TNNI3K: variants seen among roughly 807,000 people sequenced by gnomAD.
TNNI3K encodes the protein TNNI3 interacting kinase, also known as serine/threonine-protein kinase TNNI3K.
Under a neutral mutation model 114.5 loss-of-function variants are expected in TNNI3K, and 140 were observed. The ratio of observed to expected loss-of-function variants is 1.22; its 90% CI spans 1.07 to 1.41. The LOEUF (loss-of-function observed/expected upper bound fraction) is 1.41. TNNI3K is among the 40% of genes most tolerant of loss of function. TNNI3K has a pLI of 0.00. For missense variants in TNNI3K, 1,125 were observed against 1,007.6 expected (o/e 1.12, Z -1.58); for synonymous variants, 347 against 347.5 (o/e 1.00, Z 0.02).
intron 5 of TNNI3K, among the ~76,000 whole-genome samples, chr1:74,311,512 A>G (rs1309671294): frequency 6.6e-6 from 1 of 152,224 alleles, no homozygotes; most frequent in Non-Finnish European, 1.5e-5. Flanking sequence ...CTTAAAATAT[A>G]TTAACACAGA....
chr1:74,436,185 T>C, intron 18 of TNNI3K, 53 bp downstream of exon 18: 2 of 1,599,188 alleles, frequency 1.3e-6, no homozygotes, highest in Non-Finnish European at 1.7e-6. Context: ...GCTGGTACAA[T>C]ATGGTGCCTG....
chr1:74,458,219 G>C (rs1055940171), intron 20 of TNNI3K, among the ~76,000 whole-genome samples: 1 of 152,112 alleles, frequency 6.6e-6, no homozygotes, highest in Admixed American at 6.5e-5. Flanking sequence ...TCACATGCTA[G>C]TAAGAGGGCA....
At chr1:74,369,160 G>A (rs1662453325) in intron 14 of TNNI3K, 46 bp downstream of exon 14, 2 of 1,599,844 alleles carry the variant, frequency 1.3e-6, no homozygotes, top group East Asian at 2.2e-5. Flanking sequence ...TTAGTTGAAT[G>A]AGCTTAAGTT....
intron 5 of TNNI3K, among the ~76,000 whole-genome samples, chr1:74,313,326 C>T (rs920823897): frequency 2.0e-4 from 31 of 152,264 alleles, no homozygotes; most frequent in African/African-American, 5.5e-4. Flanking sequence ...AACCTAAATC[C>T]GGGACCAGGC....
chr1:74,495,569 G>C (rs910421793), intron 23 of TNNI3K, among the ~76,000 whole-genome samples: 2 of 152,002 alleles, frequency 1.3e-5, no homozygotes, highest in African/African-American at 4.8e-5. Context: ...TGAACATCCT[G>C]GGCACTATTT....
In TNNI3K at chr1:74,305,801, T is replaced by G. The variant is rs1216303907; in HGVS notation, c.445-25649T>G. On this transcript the variant is annotated intron_variant, in intron 5 of 24. Coordinates refer to ENST00000326637, the MANE Select transcript of TNNI3K (RefSeq NM_015978.3). ...AAATACATATTATAGTTCAATATTTTGTTTTAATTTAATATATAAAATACA... is the reference window on the plus strand; with the variant it reads ...AAATACATATTATAGTTCAATATTTGGTTTTAATTTAATATATAAAATACA... 3.3e-5 allele frequency among the ~76,000 whole-genome samples: 5 copies of G among 152,362 alleles called. No homozygotes were observed. The East Asian group carries it at 9.6e-4, about 29-fold the overall frequency.
intron 2 of TNNI3K, among the ~76,000 whole-genome samples, chr1:74,248,006 T>G (rs1159221955): frequency 6.9e-6 from 1 of 144,764 alleles, no homozygotes; most frequent in African/African-American, 2.6e-5. Context: ...GGTAGGGGGG[T>G]GGAGGGGCCT....
intron 17 of TNNI3K, among the ~76,000 whole-genome samples, chr1:74,428,387 T>A (rs1191303489): frequency 6.6e-6 from 1 of 152,050 alleles, no homozygotes; most frequent in African/African-American, 2.4e-5. Flanking sequence ...CAAACTAGGG[T>A]TGTTTTCTGG....
At chr1:74,427,585 A>G (rs551397715) in intron 17 of TNNI3K, among the ~76,000 whole-genome samples, 9 of 152,158 alleles carry the variant, frequency 5.9e-5, no homozygotes, top group East Asian at 3.9e-4. Flanking sequence ...TTTTGTTCCA[A>G]TATCCTTCCT....
In TNNI3K at chr1:74,465,536, C is replaced by G. The variant is rs532233716; in HGVS notation, c.2121+1986C>G. On this transcript the variant is annotated intron_variant, in intron 21 of 24. Coordinates refer to ENST00000326637, the MANE Select transcript of TNNI3K (RefSeq NM_015978.3). ...GACTTGCAGCCCTCCATGCCCGAGT[C>G]CCCCCCCAACCGTGGGCTCCTGCGT... Among the ~76,000 whole-genome samples, 142 of 147,704 alleles carry G rather than the reference C, an allele frequency of 9.6e-4. 1 individual carries two copies. The highest frequency in any genetic ancestry group is 3.6e-3 in the African/African-American group (136 of 37,396).
intron 23 of TNNI3K, among the ~76,000 whole-genome samples, chr1:74,492,618 A>T (rs1160573645): frequency 6.6e-6 from 1 of 152,192 alleles, no homozygotes; most frequent in East Asian, 1.9e-4. Context: ...TGAGCAACAG[A>T]AGTTCAGCGT....
chr1:74,468,994 G>A (rs973717738), intron 21 of TNNI3K: 7 of 152,022 alleles, frequency 4.6e-5, no homozygotes, highest in Non-Finnish European at 8.8e-5. Context: ...GTATAAGGAG[G>A]AGTTCTCACT....
At chr1:74,322,185 T>G (rs1193347613) in intron 5 of TNNI3K, among the ~76,000 whole-genome samples, 3 of 152,192 alleles carry the variant, frequency 2.0e-5, no homozygotes, top group Admixed American at 6.5e-5. Flanking sequence ...GTTCAAATCT[T>G]GATTGAGAGA....
chr1:74,518,434 G>C (rs1646379933), intron 23 of TNNI3K, among the ~76,000 whole-genome samples: 1 of 152,078 alleles, frequency 6.6e-6, no homozygotes, highest in Admixed American at 6.6e-5. Context: ...TGTATCTAAA[G>C]GGCAGTTATA....
intron 5 of TNNI3K, among the ~76,000 whole-genome samples, chr1:74,290,337 C>A (rs1361447180): frequency 3.3e-5 from 5 of 150,964 alleles, no homozygotes; most frequent in African/African-American, 4.9e-5. Context: ...TTGAAAAAAA[C>A]CCAGCACCAA....
chr1:74,281,641 G>C (rs1490798167), intron 5 of TNNI3K, among the ~76,000 whole-genome samples: 2 of 151,776 alleles, frequency 1.3e-5, no homozygotes, highest in African/African-American at 2.4e-5. Flanking sequence ...TCATAAATTT[G>C]TTAAAATTTA....
At chr1:74,236,008 TA>T (rs1467154405) in intron 1 of TNNI3K, 93 bp from the exon 2 acceptor site, 5 of 858,034 alleles carry the variant, frequency 5.8e-6, no homozygotes, top group Non-Finnish European at 8.8e-6. Flanking sequence ...GAATCTAGAA[TA>T]AAAAACAGTT....
chr1:74,512,120 G>A (rs980229899), intron 23 of TNNI3K, among the ~76,000 whole-genome samples: 6 of 152,312 alleles, frequency 3.9e-5, no homozygotes, highest in African/African-American at 1.4e-4. Flanking sequence ...ACTGGATATA[G>A]CAGCCACCAG....
At chr1:74,254,034 C>T (rs1655125556) in intron 4 of TNNI3K, among the ~76,000 whole-genome samples, 1 of 152,192 alleles carries the variant, frequency 6.6e-6, no homozygotes, top group East Asian at 1.9e-4. Context: ...CAGTTCCCTT[C>T]CCCCATATAG....
Sources: gnomAD v4.1 joint callset for allele counts (sites outside exome capture counted in the v4.1 genomes callset) on GRCh38, gnomAD v4.1.1 for gene constraint, MANE v1.5 for transcripts, NCBI Gene and HGNC (gene_info 2026-07-23, HGNC 2026-07-21) for gene names.